The following COL28A1 variants were observed in gnomAD, a reference collection of about 807,000 sequenced individuals.
COL28A1 encodes collagen alpha-1(XXVIII) chain.
In COL28A1, 161 loss-of-function variants were observed where a neutral mutation model predicts 150.2. The observed-to-expected ratio is 1.07, with a 90% confidence interval of 0.94 to 1.22. The LOEUF (loss-of-function observed/expected upper bound fraction) is 1.22, where lower values mean the gene tolerates loss of function less well. Among genes scored for constraint, COL28A1 ranks in the 50% most tolerant of loss-of-function variants. The pLI, the probability that COL28A1 is intolerant of heterozygous loss-of-function variation, is 0.00. For missense variants in COL28A1, 1,617 were observed against 1,388.3 expected (o/e 1.16, Z -2.62); for synonymous variants, 552 against 469.7 (o/e 1.18, Z -2.26).
At chr7:7,491,346 C>T (rs1388857995) in intron 11 of COL28A1, among the ~76,000 whole-genome samples, 3 of 152,192 alleles carry the variant, frequency 2.0e-5, no homozygotes, top group Non-Finnish European at 4.4e-5. Flanking sequence ...GCCTCTGTCT[C>T]TTCTTTCCTA....
intron 1 of COL28A1, among the ~76,000 whole-genome samples, chr7:7,533,187 G>C (rs567849322): frequency 6.6e-6 from 1 of 152,118 alleles, no homozygotes. Context: ...GGAGCATAGA[G>C]TTGGGAGAGC....
chr7:7,494,609 G>A (rs1033726147), intron 11 of COL28A1, among the ~76,000 whole-genome samples: 4 of 152,018 alleles, frequency 2.6e-5, no homozygotes, highest in African/African-American at 7.2e-5. Context: ...GACCTTTTTT[G>A]AGCACCAAAC....
intron 33 of COL28A1, among the ~76,000 whole-genome samples, chr7:7,362,722 A>C (rs1473840013): frequency 6.6e-6 from 1 of 152,188 alleles, no homozygotes; most frequent in Non-Finnish European, 1.5e-5. Context: ...AGTGGAGACA[A>C]AACTGTGGAT....
intron 16 of COL28A1, among the ~76,000 whole-genome samples, chr7:7,455,608 T>C (rs1036858751): frequency 6.6e-6 from 1 of 152,162 alleles, no homozygotes; most frequent in Admixed American, 6.5e-5. Context: ...AATACTTTTT[T>C]AAAAAATGGA....
At chr7:7,536,719 A>G (rs913824682), upstream of COL28A1, among the ~76,000 whole-genome samples, 20 of 152,344 alleles carry the variant, frequency 1.3e-4, no homozygotes, top group Non-Finnish European at 2.5e-4. Flanking sequence ...TGTGCATGTT[A>G]CGGTTATTTA....
rs368968219 is a variant in COL28A1 at position 7,371,733 on chromosome 7, C to A, written c.2909-851G>T. ...ATCATAGCTTAAATTAGATCAATGT[C>A]CTAGGATGGCTCATTAGTAAATATC... On this transcript the variant is annotated intron_variant, in intron 32 of 34. Transcript: ENST00000399429. Among the ~76,000 whole-genome samples, 28 of 152,320 alleles carry A rather than the reference C, an allele frequency of 1.8e-4. No individual in the cohort carries two copies. In the South Asian group the frequency reaches 5.4e-3, roughly 29 times the overall value.
At chr7:7,408,476 T>C (rs1227958488) in intron 27 of COL28A1, among the ~76,000 whole-genome samples, 2 of 152,134 alleles carry the variant, frequency 1.3e-5, no homozygotes, top group African/African-American at 2.4e-5. Flanking sequence ...GTAAGAGCAA[T>C]AAAAACCTGT....
At chr7:7,392,861 AG>A (rs1782625607) in intron 27 of COL28A1, among the ~76,000 whole-genome samples, 1 of 152,162 alleles carries the variant, frequency 6.6e-6, no homozygotes, top group African/African-American at 2.4e-5. Context: ...TAGTTATTCT[AG>A]TTAGCAATTC....
chr7:7,507,554 T>C (rs1780879852), intron 9 of COL28A1, among the ~76,000 whole-genome samples: 1 of 152,234 alleles, frequency 6.6e-6, no homozygotes, highest in South Asian at 2.1e-4. Context: ...TAGATCACTC[T>C]TTTGCTCATC....
chr7:7,422,858 C>T (rs1784451751), intron 25 of COL28A1, among the ~76,000 whole-genome samples: 1 of 152,158 alleles, frequency 6.6e-6, no homozygotes, highest in Non-Finnish European at 1.5e-5. Context: ...TTACACAACA[C>T]CATGAGGATA....
chr7:7,529,857 C>G lies in COL28A1; in HGVS notation c.681+1491G>C, dbSNP rs1057236881. On this transcript the variant is annotated intron_variant, in intron 3 of 34. Transcript: ENST00000399429. ...CCCTTAAGTCATGGCACAGGCAGGG[C>G]TAAGTGTTAGCCAGGAACCACTACA... 3.3e-5 allele frequency among the ~76,000 whole-genome samples: 5 copies of G among 152,288 alleles called. No homozygotes were observed. In the East Asian group the frequency reaches 9.7e-4, roughly 29 times the overall value.
At chr7:7,407,189 A>G (rs1783537737) in intron 27 of COL28A1, among the ~76,000 whole-genome samples, 7 of 152,064 alleles carry the variant, frequency 4.6e-5, no homozygotes, top group Admixed American at 4.6e-4. Flanking sequence ...TAGATTGTAG[A>G]GAGGAAAGAA....
In COL28A1 at chr7:7,459,113, T is replaced by C. The variant is rs1480949668; in HGVS notation, c.1303-3001A>G. Among the ~76,000 whole-genome samples, 3 of 152,336 alleles carry C rather than the reference T, an allele frequency of 2.0e-5. No homozygotes were observed. The East Asian group carries it at 5.8e-4, about 29-fold the overall frequency. On this transcript the variant is annotated intron_variant, in intron 15 of 34. Coordinates refer to ENST00000399429, the MANE Select transcript of COL28A1 (RefSeq NM_001037763.3). ...AACAGCAGATAAAAGCTTTGCTATG[T>C]AATAATATCCTGATACTTCAGAGTG...
chr7:7,429,680 AAC>A (rs1784844510), intron 25 of COL28A1, among the ~76,000 whole-genome samples: 1 of 152,204 alleles, frequency 6.6e-6, no homozygotes, highest in Non-Finnish European at 1.5e-5. Context: ...TCACCCTCCT[AAC>A]ATCTCCTTCC....
At chr7:7,444,291 T>G in intron 19 of COL28A1, 127 bp downstream of exon 19, 1 of 1,265,490 alleles carries the variant, frequency 7.9e-7, no homozygotes, top group Non-Finnish European at 1.1e-6. Flanking sequence ...ACATTTGGGA[T>G]TGTGAGATAT....
chr7:7,471,007 T>C (rs1038958964), intron 15 of COL28A1, among the ~76,000 whole-genome samples: 3 of 141,692 alleles, frequency 2.1e-5, no homozygotes, highest in Non-Finnish European at 4.6e-5. Context: ...ATATACCTAA[T>C]GCTAGATGAC....
chr7:7,417,488 TAAGGGAAGGAGGGAGGGG>T, intron 27 of COL28A1: 1 of 203,714 alleles, frequency 4.9e-6, no homozygotes, highest in Non-Finnish European at 8.3e-6. Flanking sequence ...GTGAGGAAGG[TAAGGGAAGGAGGGAGGGG>T]GAGGGAAGGA....
intron 15 of COL28A1, among the ~76,000 whole-genome samples, chr7:7,458,428 A>G (rs1787344767): frequency 6.6e-6 from 1 of 152,026 alleles, no homozygotes; most frequent in Non-Finnish European, 1.5e-5. Context: ...AAAAAAAAAC[A>G]AAACAAAAAA....
chr7:7,454,121 G>C (rs1036150452), intron 16 of COL28A1, among the ~76,000 whole-genome samples: 7 of 152,136 alleles, frequency 4.6e-5, no homozygotes, highest in Non-Finnish European at 1.0e-4. Context: ...ATATGTGGTT[G>C]TTTATTTTTC....
Sources: allele counts gnomAD v4.1 joint callset (sites outside exome capture counted in the v4.1 genomes callset), GRCh38; gene constraint gnomAD v4.1.1; transcripts MANE v1.5; gene names NCBI Gene and HGNC (gene_info 2026-07-23, HGNC 2026-07-21).